The following LINGO2 variants were observed in gnomAD, a reference collection of about 807,000 sequenced individuals.
LINGO2 encodes leucine rich repeat and Ig domain containing 2.
Under a neutral mutation model 30.6 loss-of-function variants are expected in LINGO2, and 14 were observed. The ratio of observed to expected loss-of-function variants is 0.46; its 90% confidence interval spans 0.30 to 0.72. LINGO2 has a LOEUF of 0.72. Among genes scored for constraint, LINGO2 ranks in the 30% least tolerant of loss-of-function variants. The pLI, the probability that LINGO2 is intolerant of heterozygous loss-of-function variation, is 0.07. For synonymous variants in LINGO2, 317 were observed against 288.5 expected (o/e 1.10, Z -1.00); for missense variants, 729 against 751.7 (o/e 0.97, Z 0.35).
chr9:28,886,978 A>C, the LINGO2 span, among the ~76,000 whole-genome samples: 39 of 152,182 alleles, frequency 2.6e-4, no homozygotes, highest in Non-Finnish European at 4.7e-4. Flanking sequence ...TTAGATATTT[A>C]AGAAATGTTC....
the LINGO2 span, among the ~76,000 whole-genome samples, chr9:29,183,618 T>C: frequency 6.6e-6 from 1 of 152,164 alleles, no homozygotes; most frequent in South Asian, 2.1e-4. Context: ...TCTGAGCACT[T>C]AGAATAGGGC....
At chr9:28,400,128 T>G (rs931803222) in intron 2 of LINGO2, among the ~76,000 whole-genome samples, 3 of 152,154 alleles carry the variant, frequency 2.0e-5, no homozygotes, top group African/African-American at 7.2e-5. Flanking sequence ...AGTGACTCTA[T>G]TGTGACCCTT....
At chr9:29,068,311 T>A in the LINGO2 span, among the ~76,000 whole-genome samples, 1 of 98,236 alleles carries the variant, frequency 1.0e-5, no homozygotes, top group Admixed American at 9.5e-5. Context: ...AATTTTGAGA[T>A]AATTTTGAGA....
intron 1 of LINGO2, among the ~76,000 whole-genome samples, chr9:28,514,813 A>C (rs993121194): frequency 3.3e-5 from 5 of 152,202 alleles, no homozygotes; most frequent in Non-Finnish European, 5.9e-5. Context: ...TAGACAAAAT[A>C]GCCTTCAATG....
chr9:28,611,358 T>G (rs1296572068), intron 1 of LINGO2, among the ~76,000 whole-genome samples: 1 of 152,006 alleles, frequency 6.6e-6, no homozygotes, highest in African/African-American at 2.4e-5. Context: ...TTTGTGTGTG[T>G]GTGTGTGTGT....
chr9:29,206,965 C>A, the LINGO2 span, among the ~76,000 whole-genome samples: 1 of 151,890 alleles, frequency 6.6e-6, no homozygotes, highest in African/African-American at 2.4e-5. Context: ...GCTTAACCAG[C>A]AGGTGACAGT....
chr9:28,258,513 C>A (rs1029722029), intron 4 of LINGO2, among the ~76,000 whole-genome samples: 1 of 151,814 alleles, frequency 6.6e-6, no homozygotes, highest in African/African-American at 2.4e-5. Flanking sequence ...CACACACACC[C>A]CACAAGATTG....
intron 4 of LINGO2, among the ~76,000 whole-genome samples, chr9:28,178,236 T>C (rs1828802382): frequency 6.6e-6 from 1 of 152,124 alleles, no homozygotes; most frequent in African/African-American, 2.4e-5. Context: ...CACAGTGTTG[T>C]GATAAAATTT....
At chr9:28,586,629 G>A (rs1246038046) in intron 1 of LINGO2, among the ~76,000 whole-genome samples, 1 of 151,932 alleles carries the variant, frequency 6.6e-6, no homozygotes, top group East Asian at 1.9e-4. Context: ...AAATATATCT[G>A]TCCTTCCAAT....
At chr9:28,186,910 T>C (rs1215969182) in intron 4 of LINGO2, among the ~76,000 whole-genome samples, 1 of 152,060 alleles carries the variant, frequency 6.6e-6, no homozygotes, top group Non-Finnish European at 1.5e-5. Context: ...GCACGGGGAT[T>C]TACTTTGCCT....
At chr9:28,202,560 G>A (rs1012597107) in intron 4 of LINGO2, among the ~76,000 whole-genome samples, 2 of 151,664 alleles carry the variant, frequency 1.3e-5, no homozygotes, top group African/African-American at 2.4e-5. Context: ...CCCTCACCCC[G>A]TCCCCCCCGC....
In LINGO2 at chr9:28,341,656, T is replaced by G. The variant is rs573160916; in HGVS notation, c.-246+31180A>C. ...ATAATAGTTATTAAGCTTATGAAAC[T>G]TTACCTATTACAAAACCCTTTTTCA... On this transcript the variant is annotated intron_variant, in intron 3 of 5. Coordinates refer to ENST00000379992, the Ensembl canonical transcript of LINGO2. 1.6e-3 allele frequency among the ~76,000 whole-genome samples: 245 copies of G among 152,216 alleles called. 1 individual carries two copies. The highest frequency in any genetic ancestry group is 7.5e-3 in the South Asian group (36 of 4,826).
chr9:28,967,403 G>T, the LINGO2 span, among the ~76,000 whole-genome samples: 86 of 152,242 alleles, frequency 5.6e-4, 1 homozygote, highest in South Asian at 0.017. Context: ...GTTCCTAGGG[G>T]ACTGAAGAAA....
At chr9:28,017,923 G>A (rs948824146) in intron 4 of LINGO2, among the ~76,000 whole-genome samples, 2 of 152,110 alleles carry the variant, frequency 1.3e-5, no homozygotes, top group South Asian at 4.1e-4. Context: ...AAAGAAGAAA[G>A]CTGGAGGCAT....
intron 4 of LINGO2, among the ~76,000 whole-genome samples, chr9:28,116,965 C>T (rs1294462220): frequency 6.1e-4 from 56 of 91,716 alleles, no homozygotes; most frequent in Middle Eastern, 4.4e-3. Flanking sequence ...GAACTGCGTT[C>T]CTTTGGAGGA....
chr9:28,998,433 A>G, the LINGO2 span, among the ~76,000 whole-genome samples: 5 of 152,096 alleles, frequency 3.3e-5, no homozygotes, highest in African/African-American at 1.2e-4. Context: ...TTCTTTCTTA[A>G]ATTAATATGT....
the LINGO2 span, among the ~76,000 whole-genome samples, chr9:29,158,867 C>A: frequency 6.8e-6 from 1 of 147,920 alleles, no homozygotes; most frequent in Non-Finnish European, 1.5e-5. Flanking sequence ...AAACCCTTAT[C>A]CCTCTGAATT....
chr9:28,047,713 G>T (rs943138953), intron 4 of LINGO2, among the ~76,000 whole-genome samples: 4 of 150,792 alleles, frequency 2.7e-5, no homozygotes, highest in African/African-American at 9.8e-5. Flanking sequence ...AATGTCGGGT[G>T]CATATTACAT....
In LINGO2 at chr9:28,050,685, G is replaced by A. The variant is rs942384295; in HGVS notation, c.-86-38280C>T. ...AATGTCTTAGGTGTACCATTGCTTC[G>A]TGGTTATGTAGAAGAGCCCAGGCAT... On this transcript the variant is annotated intron_variant, in intron 4 of 5. Transcript: ENST00000379992. Among the ~76,000 whole-genome samples, 12 of 150,810 alleles carry A rather than the reference G, an allele frequency of 8.0e-5. 1 individual carries two copies. The highest frequency in any genetic ancestry group is 2.0e-4 in the Admixed American group (3 of 15,008).
Sources: gnomAD v4.1 joint callset for allele counts (sites outside exome capture counted in the v4.1 genomes callset) on GRCh38, gnomAD v4.1.1 for gene constraint, MANE v1.5 for transcripts, NCBI Gene and HGNC (gene_info 2026-07-23, HGNC 2026-07-21) for gene names.